SMG6: variants seen among roughly 807,000 people sequenced by gnomAD.
SMG6 encodes telomerase-binding protein EST1A.
SMG6 carries 66 observed loss-of-function variants against 142.2 expected under a neutral mutation model. The observed-to-expected ratio is 0.46, with a 90% CI of 0.38 to 0.57. The LOEUF (loss-of-function observed/expected upper bound fraction) is 0.57. Among genes scored for constraint, SMG6 ranks in the 20% least tolerant of loss-of-function variants. The pLI is 0.00. For synonymous variants in SMG6, 779 were observed against 702.4 expected (o/e 1.11, Z -1.72); for missense variants, 1,793 against 1,832.0 (o/e 0.98, Z 0.39).
chr17:2,186,615 G>T lies in SMG6; in HGVS notation c.3155+48C>A, dbSNP rs144764006. Reference sequence around the variant, plus strand: ...ATGAAGAGGGGAGCTGTAGGAACACGGGCAGGCCCAAGCCAGTGGTGCTGA... The same window carrying T: ...ATGAAGAGGGGAGCTGTAGGAACACTGGCAGGCCCAAGCCAGTGGTGCTGA... On this transcript the variant is annotated intron_variant, in intron 12 of 18. Coordinates refer to ENST00000263073, the MANE Select transcript of SMG6 (RefSeq NM_017575.5). 4.4e-6 allele frequency: 7 copies of T among 1,601,956 alleles called. No individual in the cohort carries two copies. In the East Asian group the frequency reaches 1.6e-4, roughly 36 times the overall value.
chr17:2,273,446 G>A (rs1194841424), intron 8 of SMG6, among the ~76,000 whole-genome samples: 2 of 152,150 alleles, frequency 1.3e-5, no homozygotes, highest in Non-Finnish European at 2.9e-5. Context: ...GGATCACGAG[G>A]TCAGGAGATT....
At chr17:2,205,589 A>G (rs1425131386) in intron 10 of SMG6, among the ~76,000 whole-genome samples, 1 of 152,154 alleles carries the variant, frequency 6.6e-6, no homozygotes, top group Non-Finnish European at 1.5e-5. Context: ...ATTTGACTTA[A>G]AATTTCCTGT....
rs771500549 is a variant in SMG6 at position 2,061,771 on chromosome 17, C to A, written c.4130-149G>T. 4.4e-6 allele frequency: 4 copies of A among 917,558 alleles called. No homozygotes were observed. The African/African-American group carries it at 7.1e-5, about 16-fold the overall frequency. 56.8% of individuals were successfully genotyped at this position (917,558 alleles called of 1,614,324 possible). ...CTACCAGTCCTTTCCTCCGTCCGGG[C>A]TCTCAGCCCCGGGGACCCTCCCCTG... is the stretch of plus-strand genomic sequence containing the variant. On this transcript the variant is annotated intron_variant, in intron 18 of 18. Coordinates refer to ENST00000263073, the MANE Select transcript of SMG6 (RefSeq NM_017575.5).
intron 8 of SMG6, among the ~76,000 whole-genome samples, chr17:2,260,375 T>C (rs1295001220): frequency 1.3e-5 from 2 of 152,198 alleles, no homozygotes; most frequent in African/African-American, 4.8e-5. Context: ...CACAGCACTG[T>C]TGGTGAGAGA....
intron 10 of SMG6, among the ~76,000 whole-genome samples, chr17:2,209,811 A>G (rs1365886091): frequency 2.0e-5 from 3 of 152,194 alleles, no homozygotes; most frequent in Non-Finnish European, 2.9e-5. Flanking sequence ...AGATAGCTCT[A>G]TTTGTAAAAA....
chr17:2,220,427 T>C (rs575477635), intron 10 of SMG6, among the ~76,000 whole-genome samples: 321 of 152,288 alleles, frequency 2.1e-3, no homozygotes, highest in African/African-American at 7.5e-3. Context: ...ACCCAGGAGT[T>C]TGAGACTAGC....
intron 8 of SMG6, among the ~76,000 whole-genome samples, chr17:2,247,902 G>A (rs987050092): frequency 6.6e-6 from 1 of 152,124 alleles, no homozygotes; most frequent in Non-Finnish European, 1.5e-5. Context: ...GACCAGCCTG[G>A]CCAATATGGT....
chr17:2,136,051 T>C lies in SMG6; in HGVS notation c.3357+36607A>G, dbSNP rs927576546. ...GTGTGTGTGTGTCTGTGTGTGTATA[T>C]ATACAGATATAAATATATACATATT... On this transcript the variant is annotated intron_variant, in intron 13 of 18. Transcript: ENST00000263073. Among the ~76,000 whole-genome samples, 34 of 150,800 alleles carry C rather than the reference T, an allele frequency of 2.3e-4. 1 individual carries two copies. In the Admixed American group the frequency reaches 2.3e-3, roughly 10 times the overall value.
At chr17:2,170,582 C>G (rs2071472751) in intron 13 of SMG6, among the ~76,000 whole-genome samples, 1 of 152,238 alleles carries the variant, frequency 6.6e-6, no homozygotes, top group Non-Finnish European at 1.5e-5. Flanking sequence ...TACTACAAAT[C>G]CCCATTATTT....
chr17:2,070,233 G>C (rs539818629), intron 15 of SMG6, among the ~76,000 whole-genome samples: 1 of 152,136 alleles, frequency 6.6e-6, no homozygotes, highest in Non-Finnish European at 1.5e-5. Context: ...ACCGGCTCTG[G>C]GTATGTCTGC....
intron 9 of SMG6, among the ~76,000 whole-genome samples, chr17:2,239,603 A>G (rs909575797): frequency 6.6e-6 from 1 of 152,222 alleles, no homozygotes; most frequent in Non-Finnish European, 1.5e-5. Flanking sequence ...AAAAAAATTG[A>G]AAAAATTTTA....
intron 8 of SMG6, among the ~76,000 whole-genome samples, chr17:2,258,573 A>AT (rs2074244636): frequency 6.6e-6 from 1 of 150,562 alleles, no homozygotes; most frequent in South Asian, 2.1e-4. Context: ...AAAAAAAAAA[A>AT]GGCAACCTCA....
intron 6 of SMG6, among the ~76,000 whole-genome samples, chr17:2,290,332 G>A (rs181733292): frequency 1.3e-5 from 2 of 152,288 alleles, no homozygotes; most frequent in African/African-American, 4.8e-5. Context: ...GCTGGTCTTT[G>A]ACAAAGGAGC....
At chr17:2,159,963 A>C (rs1203945344) in intron 13 of SMG6, among the ~76,000 whole-genome samples, 1 of 152,218 alleles carries the variant, frequency 6.6e-6, no homozygotes, top group African/African-American at 2.4e-5. Context: ...AGGCAAATCT[A>C]ATCTATAGTG....
rs201942044 is a variant in SMG6, at chr17:2,229,019, GAA to G, written c.2869+7471_2869+7472del. On this transcript the variant is annotated intron_variant, in intron 10 of 18. Transcript: ENST00000263073. ...CATGTGAGAGGCCTCTTTTCTAAAA[GAA>G]GAGGGATATTAGACATGATGGTGAA... Among the ~76,000 whole-genome samples, 1,514 of 152,226 alleles carry G rather than the reference GAA, an allele frequency of 9.9e-3. 27 individuals are homozygous for G. Among genetic ancestry groups the G allele is most frequent in the African/African-American group, 0.034 (1,424 of 41,520 alleles).
chr17:2,187,384 A>G (rs2072022738), intron 11 of SMG6, among the ~76,000 whole-genome samples: 1 of 152,182 alleles, frequency 6.6e-6, no homozygotes, highest in Admixed American at 6.5e-5. Flanking sequence ...CCCTTGCTAT[A>G]AAGAAATTAG....
chr17:2,160,477 C>T (rs2071142599), intron 13 of SMG6, among the ~76,000 whole-genome samples: 1 of 152,144 alleles, frequency 6.6e-6, no homozygotes, highest in Admixed American at 6.5e-5. Context: ...CCTCGGCCTC[C>T]CAAAGTGCTG....
At chr17:2,254,983 A>C (rs1171915667) in intron 8 of SMG6, among the ~76,000 whole-genome samples, 1 of 151,840 alleles carries the variant, frequency 6.6e-6, no homozygotes, top group Non-Finnish European at 1.5e-5. Flanking sequence ...GGTGTGTCTT[A>C]AGCAAAGGGA....
intron 10 of SMG6, among the ~76,000 whole-genome samples, chr17:2,198,861 C>G (rs2072417425): frequency 6.6e-6 from 1 of 150,884 alleles, no homozygotes; most frequent in Non-Finnish European, 1.5e-5. Context: ...TGCTGCCTGG[C>G]CTGAGCTGGT....
Sources: gnomAD v4.1 joint callset for allele counts (sites outside exome capture counted in the v4.1 genomes callset) on GRCh38, gnomAD v4.1.1 for gene constraint, MANE v1.5 for transcripts, NCBI Gene and HGNC (gene_info 2026-07-23, HGNC 2026-07-21) for gene names.